The following PRPF8 variants were observed in gnomAD, a reference collection of about 807,000 sequenced individuals.
The protein encoded by PRPF8 is pre-mRNA-processing-splicing factor 8.
A neutral mutation model predicts 285.9 loss-of-function variants in PRPF8; 64 were observed. That is an observed-to-expected ratio of 0.22 (90% confidence interval 0.18 to 0.28). The LOEUF is 0.28. Among genes scored for constraint, PRPF8 ranks in the 10% least tolerant of loss-of-function variants. The pLI is 1.00. For synonymous variants in PRPF8, 1,325 were observed against 1,118.2 expected, an observed-to-expected ratio of 1.18 and a Z score of -3.69; for missense variants, 1,426 against 3,026.7, an observed-to-expected ratio of 0.47 and a Z score of 12.41.
In PRPF8 at chr17:1,662,033, T is replaced by C; in HGVS notation, c.3895A>G (p.Ile1299Val). ...VKCENKIQTRIKIGLNSKMPS... is the reference protein window; with the variant it reads ...VKCENKIQTRVKIGLNSKMPS... ...ATCTTGGAGTTGAGTCCAATCTTGA[T>C]ACGTGTCTGGATTTTGTTCTCACAC... Residue 1299 changes from isoleucine to valine, a missense_variant, in exon 25 of 43, where the codon ATC becomes GTC. Ile to Val is a conservative substitution (Grantham distance 29). Transcript: ENST00000304992. 6.2e-7 allele frequency: 1 copy of C among 1,614,052 alleles called. No individual in the cohort carries two copies. Among genetic ancestry groups the C allele is most frequent in the Non-Finnish European group, 8.5e-7 (1 of 1,180,012 alleles).
rs1912886863 is a variant in PRPF8 at position 1,680,959 on chromosome 17, T to C, written c.962A>G (p.Asn321Ser). 6.2e-7 allele frequency: 1 copy of C among 1,614,158 alleles called. No individual in the cohort carries two copies. Among genetic ancestry groups the C allele is most frequent in the Non-Finnish European group, 8.5e-7 (1 of 1,179,972 alleles). The change falls in exon 7 of 43, where the codon AAC becomes AGC. Residue 321 changes from asparagine to serine, a missense_variant. Coordinates refer to ENST00000304992, the MANE Select transcript of PRPF8 (RefSeq NM_006445.4). ...EYKIAFPYLYNNLPHHVHLTW... is the reference protein window; with the variant it reads ...EYKIAFPYLYSNLPHHVHLTW... Reference sequence around the variant, plus strand: ...GAGGTGGACATGGTGTGGAAGATTGTTGTACAAGTAAGGAAAAGCAATCTT... The same window carrying C: ...GAGGTGGACATGGTGTGGAAGATTGCTGTACAAGTAAGGAAAAGCAATCTT...
At chr17:1,655,089 C>G in intron 37 of PRPF8, 1 of 453,618 alleles carries the variant, frequency 2.2e-6, no homozygotes, top group Non-Finnish European at 4.1e-6. Context: ...TCCCGAGTAG[C>G]TGGGATTACA....
intron 29 of PRPF8, 46 bp downstream of exon 29, chr17:1,660,652 C>A (rs973454472): frequency 6.2e-7 from 1 of 1,614,178 alleles, no homozygotes. Flanking sequence ...AGGCAAGAAG[C>A]AGCAACTGTC....
At position 1,676,085 on chromosome 17, in the gene PRPF8, A is replaced by T; in HGVS notation, c.2553-31T>A. ...AAAAGCAATGGGAAGGGTGAATGGG[A>T]AAACTAGGAGGAAGTAAAACCAGGA... On this transcript the variant is annotated intron_variant, in intron 17 of 42. Transcript: ENST00000304992. This position sits in a 1 kb window ranked among gnomAD's most constrained non-coding sequence, Gnocchi z 6.3. 6.2e-7 allele frequency: 1 copy of T among 1,612,460 alleles called. No homozygotes were observed. The highest frequency in any genetic ancestry group is 1.1e-5 in the South Asian group (1 of 90,990).
In PRPF8 at chr17:1,681,543, C is replaced by T; in HGVS notation, c.801G>A (p.Lys267=). 6.2e-7 allele frequency: 1 copy of T among 1,613,646 alleles called. No individual in the cohort carries two copies. Among genetic ancestry groups the T allele is most frequent in the Non-Finnish European group, 8.5e-7 (1 of 1,179,614 alleles). ...CTCCAGGAATGGCCATATTGAGTGC[C>T]TTGGACGTAAAGAAGGCCTTCAAAT... is the stretch of plus-strand genomic sequence containing the variant. The part of the protein sequence containing the change: ...LFDLKAFFTS[K]ALNMAIPGGP... Residue 267 remains lysine, a synonymous_variant, in exon 6 of 43, where the codon AAG becomes AAA. Transcript: ENST00000304992.
At chr17:1,669,350 C>A (rs8082026) in intron 24 of PRPF8, among the ~76,000 whole-genome samples, 6,926 of 152,270 alleles carry the variant, frequency 0.045, 544 homozygotes, top group African/African-American at 0.16. Flanking sequence ...GGTGATTCAC[C>A]CACCTTGGCC....
chr17:1,651,882 G>A lies in PRPF8; in HGVS notation c.6370-94C>T, dbSNP rs1048776197. 3.4e-6 allele frequency: 5 copies of A among 1,483,786 alleles called. No individual in the cohort carries two copies. The highest frequency in any genetic ancestry group is 2.3e-5 in the East Asian group (1 of 44,286). The allele number at this position is 1,483,786 out of a possible 1,614,324, so 91.9% of individuals were successfully genotyped here. ...CTGTTTCCTTCCTTCCCCCAAGAACGAGGACAGAGTTTCTTAAAACGTGAT... is the reference window on the plus strand; with the variant it reads ...CTGTTTCCTTCCTTCCCCCAAGAACAAGGACAGAGTTTCTTAAAACGTGAT... On this transcript the variant is annotated intron_variant, in intron 39 of 42. Coordinates refer to ENST00000304992, the MANE Select transcript of PRPF8 (RefSeq NM_006445.4). The surrounding 1 kb of genome is among the most constrained non-coding windows in gnomAD (Gnocchi z 5.1).
In PRPF8 at chr17:1,653,742, G is replaced by A. The variant is rs114072344; in HGVS notation, c.6227+35C>T. Reference sequence around the variant, plus strand: ...GCCCAGCACCTTAGGTAGTGCAGCCGGCCTTTCCATCCCCACCCTCTTGCC... The same window carrying A: ...GCCCAGCACCTTAGGTAGTGCAGCCAGCCTTTCCATCCCCACCCTCTTGCC... On this transcript the variant is annotated intron_variant, in intron 38 of 42. Transcript: ENST00000304992. This position sits in a 1 kb window ranked among gnomAD's most constrained non-coding sequence, Gnocchi z 4.9. 7.4e-6 allele frequency: 12 copies of A among 1,614,090 alleles called. No individual in the cohort carries two copies. In the Admixed American group the frequency reaches 1.2e-4, roughly 16 times the overall value.
At position 1,656,556 on chromosome 17, in the gene PRPF8, G is replaced by GT; in HGVS notation, c.5628dup (p.Leu1877ThrfsTer32). 1 of 1,614,186 alleles carries GT rather than the reference G, an allele frequency of 6.2e-7. No individual in the cohort carries two copies. Among genetic ancestry groups the GT allele is most frequent in the Non-Finnish European group, 8.5e-7 (1 of 1,180,032 alleles). On this transcript the variant is annotated frameshift_variant, in exon 36 of 43. Coordinates refer to ENST00000304992, the MANE Select transcript of PRPF8 (RefSeq NM_006445.4). LOFTEE classifies it high-confidence loss of function. ...TTGATGACAATATTGGGGAAGTCCA[G>GT]TAAGTGCACCTAAGACAAGATCAAG... is the stretch of plus-strand genomic sequence containing the variant.
chr17:1,660,728 G>A lies in PRPF8; in HGVS notation c.4608C>T (p.Leu1536=), dbSNP rs2151116085. The change falls in exon 29 of 43, where the codon CTC becomes CTT. Residue 1536 remains leucine (L), a synonymous_variant. Coordinates refer to ENST00000304992, the MANE Select transcript of PRPF8 (RefSeq NM_006445.4). The part of the protein sequence containing the change: ...LNQIPNRRFT[L]WWSPTINRAN... ...CTCGATTAATGGTCGGGGACCACCAGAGGGTGAATCTACGATTGGGAATCT... is the reference window on the plus strand; with the variant it reads ...CTCGATTAATGGTCGGGGACCACCAAAGGGTGAATCTACGATTGGGAATCT... 1 of 1,614,092 alleles carries A rather than the reference G, an allele frequency of 6.2e-7. No homozygotes were observed. The highest frequency in any genetic ancestry group is 8.5e-7 in the Non-Finnish European group (1 of 1,180,042).
chr17:1,672,977 AAAG>A, intron 24 of PRPF8, 101 bp downstream of exon 24: 4 of 1,068,000 alleles, frequency 3.7e-6, no homozygotes, highest in South Asian at 2.5e-5. Context: ...CACACTAAGC[AAAG>A]AAGAGAAGGA....
chr17:1,674,311 C>G, intron 21 of PRPF8, 131 bp downstream of exon 21: 1 of 976,764 alleles, frequency 1.0e-6, no homozygotes, highest in Non-Finnish European at 1.6e-6. Context: ...CGTGAGCTAC[C>G]GCACCCGGCC....
Position 1,675,844 on chromosome 17 carries a change from C to G in PRPF8, c.2680-32G>C. On this transcript the variant is annotated intron_variant, in intron 18 of 42. Transcript: ENST00000304992. This position sits in a 1 kb window ranked among gnomAD's most constrained non-coding sequence, Gnocchi z 6.0. The stretch of plus-strand genomic sequence containing the variant: ...GACAAGGAGGCTGGTTCACACCAAT[C>G]CACCAACTGCTACCTTTGGTAGAAC... 1 of 1,614,078 alleles carries G rather than the reference C, an allele frequency of 6.2e-7. No homozygotes were observed.
rs776540872 is a variant in PRPF8, at chr17:1,673,887, G to A, written c.3305C>T (p.Thr1102Ile). ...IDRIHIFFRFTADEARDLIQR... is the reference protein window; with the variant it reads ...IDRIHIFFRFIADEARDLIQR... ...AATCAGGTCCCGAGCCTCATCTGCT[G>A]TGAACCTACACCAGACCAGGTACAC... Residue 1102 changes from threonine (T) to isoleucine (I), a missense_variant, in exon 22 of 43, where the codon ACA (threonine) becomes ATA (isoleucine). Coordinates refer to ENST00000304992, the MANE Select transcript of PRPF8 (RefSeq NM_006445.4). The surrounding 1 kb of genome is among the most constrained non-coding windows in gnomAD (Gnocchi z 5.5). 9.9e-6 allele frequency: 16 copies of A among 1,613,090 alleles called. No individual in the cohort carries two copies. Among genetic ancestry groups the A allele is most frequent in the Non-Finnish European group, 1.4e-5 (16 of 1,180,008 alleles).
intron 24 of PRPF8, among the ~76,000 whole-genome samples, chr17:1,666,718 A>AGAGT (rs1417219463): frequency 1.3e-5 from 2 of 152,174 alleles, no homozygotes; most frequent in African/African-American, 4.8e-5. Context: ...TTGAGGTGAA[A>AGAGT]GAGTGCGTTG....
At chr17:1,657,135 A>T (rs1199653277) in intron 34 of PRPF8, among the ~76,000 whole-genome samples, 1 of 152,198 alleles carries the variant, frequency 6.6e-6, no homozygotes, top group Non-Finnish European at 1.5e-5. Flanking sequence ...GAAAAATACA[A>T]GCAAAACACA....
At chr17:1,652,929 CG>C (rs1007937027) in intron 39 of PRPF8, 1 of 167,844 alleles carries the variant, frequency 6.0e-6, no homozygotes, top group African/African-American at 2.4e-5. Context: ...ACTACAGCCA[CG>C]TTTTTTTTGG....
chr17:1,682,312 A>G lies in PRPF8; in HGVS notation c.270-19T>C. 1 of 1,613,376 alleles carries G rather than the reference A, an allele frequency of 6.2e-7. No homozygotes were observed. The highest frequency in any genetic ancestry group is 8.5e-7 in the Non-Finnish European group (1 of 1,179,362). On this transcript the variant is annotated intron_variant, in intron 3 of 42. Coordinates refer to ENST00000304992, the MANE Select transcript of PRPF8 (RefSeq NM_006445.4). ...TAGGGCACTGGCACATTAGAAAAAG[A>G]GAAGGCTATCAGAAATGACGAGGTG... is the stretch of plus-strand genomic sequence containing the variant.
At chr17:1,660,071 G>A (rs776152052) in intron 30 of PRPF8, 70 bp from the exon 31 acceptor site, 10 of 1,534,138 alleles carry the variant, frequency 6.5e-6, no homozygotes, top group Non-Finnish European at 9.0e-6. Flanking sequence ...TGTACAATAA[G>A]ATAATGAGGC....
Sources: allele counts gnomAD v4.1 joint callset (sites outside exome capture counted in the v4.1 genomes callset), GRCh38; gene constraint gnomAD v4.1.1; non-coding constraint Gnocchi (gnomAD v3.1); transcripts MANE v1.5; gene names NCBI Gene and HGNC (gene_info 2026-07-23, HGNC 2026-07-21).